Variants in LGSN observed in about 807,000 individuals in gnomAD.
The protein encoded by LGSN is lengsin.
LGSN carries 21 observed loss-of-function variants against 19.5 expected under a neutral mutation model. That is an observed-to-expected ratio of 1.07 (90% confidence interval 0.76 to 1.55). The LOEUF is 1.55. LGSN is among the 40% of genes most tolerant of loss of function. The pLI is 0.00. For missense variants in LGSN, 673 were observed against 608.5 expected (o/e 1.11, Z -1.12); for synonymous variants, 257 against 215.6 (o/e 1.19, Z -1.68).
chr6:63,457,774 G>A, the LGSN span, among the ~76,000 whole-genome samples: 1 of 151,896 alleles, frequency 6.6e-6, no homozygotes, highest in Non-Finnish European at 1.5e-5. Context: ...AGTTACTCAG[G>A]AGGCTGAGGC....
chr6:63,570,524 A>C, the LGSN span, among the ~76,000 whole-genome samples: 3 of 152,364 alleles, frequency 2.0e-5, no homozygotes, highest in South Asian at 6.2e-4. Flanking sequence ...TCGTGTCAGC[A>C]CTGCTTGTGG....
At chr6:63,417,487 A>C in the LGSN span, among the ~76,000 whole-genome samples, 1 of 152,130 alleles carries the variant, frequency 6.6e-6, no homozygotes, top group East Asian at 1.9e-4. Flanking sequence ...ACTAGAATTC[A>C]CTTTTTACCC....
the LGSN span, among the ~76,000 whole-genome samples, chr6:63,556,261 G>C: frequency 2.0e-5 from 3 of 151,014 alleles, no homozygotes; most frequent in Non-Finnish European, 4.4e-5. Context: ...GAGGCTCCAG[G>C]GTGCCTCCTG....
the LGSN span, among the ~76,000 whole-genome samples, chr6:63,463,412 C>T: frequency 6.6e-6 from 1 of 152,144 alleles, no homozygotes; most frequent in Non-Finnish European, 1.5e-5. Context: ...TTTGTCTCAT[C>T]TGCCACTCTT....
chr6:63,544,866 T>C, the LGSN span, among the ~76,000 whole-genome samples: 2 of 152,208 alleles, frequency 1.3e-5, no homozygotes, highest in Non-Finnish European at 2.9e-5. Context: ...GTCATGGTGA[T>C]GGCTACCAGA....
the LGSN span, among the ~76,000 whole-genome samples, chr6:63,387,200 G>C: frequency 2.6e-4 from 40 of 152,256 alleles, no homozygotes; most frequent in African/African-American, 9.4e-4. Flanking sequence ...TATCTTAAAG[G>C]TGAATCACTC....
the LGSN span, among the ~76,000 whole-genome samples, chr6:63,356,672 A>G: frequency 6.6e-6 from 1 of 152,174 alleles, no homozygotes; most frequent in Non-Finnish European, 1.5e-5. Context: ...GTAAGATGTG[A>G]ACAGACACTG....
the LGSN span, among the ~76,000 whole-genome samples, chr6:63,332,748 G>A: frequency 6.6e-6 from 1 of 152,122 alleles, no homozygotes; most frequent in East Asian, 1.9e-4. Flanking sequence ...TCACTGCTTG[G>A]TGATAGGTGA....
At chr6:63,347,921 A>G in the LGSN span, among the ~76,000 whole-genome samples, 1 of 152,214 alleles carries the variant, frequency 6.6e-6, no homozygotes, top group African/African-American at 2.4e-5. Context: ...AATATTCCTA[A>G]TATTAGAAAA....
chr6:63,309,681 G>T (rs1051723631), intron 1 of LGSN, among the ~76,000 whole-genome samples: 2 of 151,996 alleles, frequency 1.3e-5, no homozygotes, highest in African/African-American at 4.8e-5. Context: ...AATTAAATAT[G>T]CATTATTTCA....
At chr6:63,567,505 A>G in the LGSN span, among the ~76,000 whole-genome samples, 1 of 152,210 alleles carries the variant, frequency 6.6e-6, no homozygotes, top group African/African-American at 2.4e-5. Context: ...TCAACAGTGG[A>G]CTTAAAATAT....
the LGSN span, among the ~76,000 whole-genome samples, chr6:63,338,757 T>A: frequency 6.6e-6 from 1 of 152,136 alleles, no homozygotes. Flanking sequence ...CTTTTCTACA[T>A]CCTTAGGTTG....
intron 2 of LGSN, among the ~76,000 whole-genome samples, chr6:63,287,662 C>T (rs577918786): frequency 6.6e-6 from 1 of 151,986 alleles, no homozygotes; most frequent in South Asian, 2.1e-4. Context: ...GAGCAAAGAT[C>T]GCGCCACTGC....
the LGSN span, among the ~76,000 whole-genome samples, chr6:63,415,470 C>T: frequency 4.6e-5 from 7 of 152,152 alleles, no homozygotes; most frequent in African/African-American, 1.7e-4. Flanking sequence ...ACCTTCTTCA[C>T]AAGGCAGCAG....
At chr6:63,288,267 AAAT>A (rs200120837) in intron 2 of LGSN, among the ~76,000 whole-genome samples, 22,945 of 129,384 alleles carry the variant, frequency 0.18, 2,163 homozygotes, top group Middle Eastern at 0.29. Context: ...ATAAATAAAT[AAAT>A]AATAATAATA....
the LGSN span, among the ~76,000 whole-genome samples, chr6:63,540,316 T>C: frequency 6.6e-6 from 1 of 152,238 alleles, no homozygotes; most frequent in South Asian, 2.1e-4. Flanking sequence ...CAGATGTGTA[T>C]AGAATCATAG....
At chr6:63,302,026 T>C (rs1768200223) in intron 1 of LGSN, among the ~76,000 whole-genome samples, 1 of 152,126 alleles carries the variant, frequency 6.6e-6, no homozygotes, top group Non-Finnish European at 1.5e-5. Context: ...AAACTAACTT[T>C]AGGATGTTCC....
At chr6:63,423,670 T>C in the LGSN span, among the ~76,000 whole-genome samples, 1 of 151,624 alleles carries the variant, frequency 6.6e-6, no homozygotes, top group African/African-American at 2.4e-5. Context: ...AATAAAAAAG[T>C]AATCCACCAA....
chr6:63,454,762 G>A, the LGSN span, among the ~76,000 whole-genome samples: 3,073 of 148,064 alleles, frequency 0.021, 120 homozygotes, highest in African/African-American at 0.072. Flanking sequence ...GAGCCACCGC[G>A]CCTGGCCCTA....
Sources: allele counts gnomAD v4.1 joint callset (sites outside exome capture counted in the v4.1 genomes callset), GRCh38; gene constraint gnomAD v4.1.1; transcripts MANE v1.5; gene names NCBI Gene and HGNC (gene_info 2026-07-23, HGNC 2026-07-21).